The following ZNF540 variants were observed in gnomAD, a reference collection of about 807,000 sequenced individuals.
ZNF540 encodes zinc finger protein 540.
ZNF540 carries 3 observed loss-of-function variants against 11.8 expected under a neutral mutation model. The observed-to-expected ratio is 0.25, with a 90% CI of 0.12 to 0.65. ZNF540 has a LOEUF of 0.65. Among genes scored for constraint, ZNF540 ranks in the 30% least tolerant of loss-of-function variants. The pLI, the probability that ZNF540 is intolerant of heterozygous loss-of-function variation, is 0.83. For synonymous variants in ZNF540, 247 were observed against 259.0 expected (o/e 0.95, Z 0.45); for missense variants, 709 against 793.1 (o/e 0.89, Z 1.27).
At chr19:37,587,750 A>G (rs1218197271) in intron 1 of ZNF540, among the ~76,000 whole-genome samples, 1 of 152,140 alleles carries the variant, frequency 6.6e-6, no homozygotes, top group Admixed American at 6.5e-5. Context: ...AAGCACCATA[A>G]GCCATTGTAC....
chr19:37,573,939 A>T (rs79664717), intron 1 of ZNF540, among the ~76,000 whole-genome samples: 59 of 152,346 alleles, frequency 3.9e-4, no homozygotes, highest in African/African-American at 1.4e-3. Flanking sequence ...ATAACATTTT[A>T]AAAAATCATT....
intron 1 of ZNF540, among the ~76,000 whole-genome samples, chr19:37,575,024 T>C (rs1475088662): frequency 1.3e-5 from 2 of 152,222 alleles, no homozygotes; most frequent in Non-Finnish European, 1.5e-5. Flanking sequence ...TAACCTGTTA[T>C]TCACATAATT....
In ZNF540 at chr19:37,601,053, A is replaced by C; in HGVS notation, c.180A>C (p.Gln60His). ...CAGATGTGATTACCTTACTGGAGCA[A>C]GGGAAAGAGCCCTGCGTGGTGGCGA... is the stretch of plus-strand genomic sequence containing the variant. ...SKPDVITLLE[Q>H]GKEPCVVARD... is the part of the protein sequence containing the mutation. The change falls in exon 4 of 5, where the codon CAA (glutamine) becomes CAC (histidine). Residue 60 changes from glutamine (Q) to histidine (H), a missense_variant. Physicochemically the swap from Gln to His is conservative, Grantham distance 24. Coordinates refer to ENST00000316433, the MANE Select transcript of ZNF540 (RefSeq NM_001172225.3). The C allele has an allele frequency of 6.3e-7, 1 of 1,592,968 alleles. No homozygotes were observed.
At chr19:37,578,367 A>G (rs1360220749) in intron 1 of ZNF540, among the ~76,000 whole-genome samples, 1 of 152,140 alleles carries the variant, frequency 6.6e-6, no homozygotes, top group African/African-American at 2.4e-5. Flanking sequence ...TGAGAGAGTG[A>G]GAGTCCCTGG....
intron 4 of ZNF540, 51 bp downstream of exon 4, chr19:37,601,156 C>A: frequency 1.4e-6 from 2 of 1,475,718 alleles, no homozygotes; most frequent in Non-Finnish European, 1.9e-6. Context: ...CCAGTCACGG[C>A]CAGCTGGTGA....
At chr19:37,598,286 T>G (rs1421392473) in intron 1 of ZNF540, 90 bp from the exon 2 acceptor site, 2 of 674,652 alleles carry the variant, frequency 3.0e-6, no homozygotes, top group Non-Finnish European at 5.1e-6. Flanking sequence ...CAAGCAACAG[T>G]GGAAAATAAA....
chr19:37,605,805 T>C (rs1285626551), intron 4 of ZNF540, among the ~76,000 whole-genome samples: 2 of 152,216 alleles, frequency 1.3e-5, no homozygotes, highest in Non-Finnish European at 2.9e-5. Flanking sequence ...GTGATTTTAA[T>C]TTGCATTTAA....
chr19:37,559,536 G>T (rs2042695327), intron 1 of ZNF540, among the ~76,000 whole-genome samples: 1 of 152,102 alleles, frequency 6.6e-6, no homozygotes, highest in Admixed American at 6.6e-5. Context: ...TTTTGAAAAA[G>T]AAAAGCAAGG....
chr19:37,610,253 A>C (rs1272920385), intron 4 of ZNF540, among the ~76,000 whole-genome samples: 2 of 152,190 alleles, frequency 1.3e-5, no homozygotes, highest in Non-Finnish European at 2.9e-5. Context: ...TCATCATCAT[A>C]ATTTCCTTTA....
chr19:37,596,755 G>T (rs2043999399), intron 1 of ZNF540, among the ~76,000 whole-genome samples: 2 of 152,184 alleles, frequency 1.3e-5, no homozygotes, highest in Admixed American at 1.3e-4. Context: ...GGTGGCACCA[G>T]TGTATAACAT....
intron 4 of ZNF540, among the ~76,000 whole-genome samples, chr19:37,607,725 GTTTTT>G (rs959376041): frequency 6.6e-6 from 1 of 151,832 alleles, no homozygotes; most frequent in Non-Finnish European, 1.5e-5. Context: ...AGACATCTTG[GTTTTT>G]TTTAAGTATT....
upstream of ZNF540, among the ~76,000 whole-genome samples, chr19:37,590,798 T>G (rs1002356023): frequency 6.6e-6 from 1 of 152,324 alleles, no homozygotes; most frequent in African/African-American, 2.4e-5. Context: ...GAGTACTGAT[T>G]TTTAATTAAG....
intron 4 of ZNF540, among the ~76,000 whole-genome samples, chr19:37,607,005 A>C (rs1203896768): frequency 6.6e-6 from 1 of 151,830 alleles, no homozygotes; most frequent in Non-Finnish European, 1.5e-5. Flanking sequence ...TATCCATTTT[A>C]TCTTCTTGAT....
chr19:37,610,647 C>T (rs1459500974), intron 4 of ZNF540, among the ~76,000 whole-genome samples: 2 of 152,098 alleles, frequency 1.3e-5, no homozygotes, highest in Admixed American at 6.6e-5. Flanking sequence ...TGTTATGACA[C>T]AATCGAGGAG....
intron 1 of ZNF540, among the ~76,000 whole-genome samples, chr19:37,583,098 C>T (rs2043531723): frequency 1.3e-5 from 2 of 152,182 alleles, no homozygotes; most frequent in South Asian, 2.1e-4. Flanking sequence ...ACAAGTGAAG[C>T]TCAGTTTCTC....
At chr19:37,565,081 A>G (rs1402309348) in intron 1 of ZNF540, 1 of 1,613,416 alleles carries the variant, frequency 6.2e-7, no homozygotes, top group Non-Finnish European at 8.5e-7. Flanking sequence ...CACATTCCTT[A>G]CATTCAAAGG....
chr19:37,611,947 G>A lies in ZNF540; in HGVS notation c.667G>A (p.Val223Ile), dbSNP rs1435136388. 1 of 1,613,470 alleles carries A rather than the reference G, an allele frequency of 6.2e-7. No homozygotes were observed. The highest frequency in any genetic ancestry group is 8.5e-7 in the Non-Finnish European group (1 of 1,179,954). The change falls in exon 5 of 5, where the codon GTT becomes ATT. Residue 223 changes from valine to isoleucine, a missense_variant. Coordinates refer to ENST00000316433, the MANE Select transcript of ZNF540 (RefSeq NM_001172225.3). Reference sequence around the variant, plus strand: ...CTGTAAATGTGAGAAATGTGGGAAAGTTTTTAGTCATAGCTATCAACTTAC... The same window carrying A: ...CTGTAAATGTGAGAAATGTGGGAAAATTTTTAGTCATAGCTATCAACTTAC... ...KSCKCEKCGK[V>I]FSHSYQLTLH...
At chr19:37,583,301 C>T in intron 1 of ZNF540, among the ~76,000 whole-genome samples, 1 of 152,244 alleles carries the variant, frequency 6.6e-6, no homozygotes, top group South Asian at 2.1e-4. Flanking sequence ...AAAGAGCAAC[C>T]AGGAAAAACG....
rs368376371 is a variant in ZNF540 at position 37,612,940 on chromosome 19, A to T, written c.1660A>T (p.Lys554Ter). The change falls in exon 5 of 5, where the codon AAA becomes TAA. Residue 554 changes from lysine to a stop codon, truncating the protein, a stop_gained. Coordinates refer to ENST00000316433, the MANE Select transcript of ZNF540 (RefSeq NM_001172225.3). LOFTEE classifies it low-confidence loss of function (END_TRUNC). Reference sequence around the variant, plus strand: ...TTCTGGTTTAAAACCCTATGACTGTAAAGAATGTGGGAAGTCCTTTAGTCG... The same window carrying T: ...TTCTGGTTTAAAACCCTATGACTGTTAAGAATGTGGGAAGTCCTTTAGTCG... ...IHSGLKPYDC[K>*]ECGKSFSRRG... 1.2e-6 allele frequency: 2 copies of T among 1,614,064 alleles called. No homozygotes were observed. Among genetic ancestry groups the T allele is most frequent in the African/African-American group, 2.7e-5 (2 of 74,922 alleles).
Sources: allele counts gnomAD v4.1 joint callset (sites outside exome capture counted in the v4.1 genomes callset), GRCh38; gene constraint gnomAD v4.1.1; transcripts MANE v1.5; gene names NCBI Gene and HGNC (gene_info 2026-07-23, HGNC 2026-07-21).